The following SMC3 variants were observed in gnomAD, a reference collection of about 807,000 sequenced individuals.
SMC3 encodes the protein structural maintenance of chromosomes 3.
SMC3 carries 20 observed loss-of-function variants against 171.8 expected under a neutral mutation model. The observed-to-expected ratio is 0.12, with a 90% confidence interval of 0.08 to 0.17. SMC3 has a LOEUF of 0.17. Among genes scored for constraint, SMC3 ranks in the 10% least tolerant of loss-of-function variants. The probability of loss-of-function intolerance (pLI) is 1.00; values close to 1 mark genes in which losing one functional copy is unlikely to be tolerated. For missense variants in SMC3, 543 were observed against 1,420.4 expected, an observed-to-expected ratio of 0.38 and a Z score of 9.93; for synonymous variants, 464 against 451.1, an observed-to-expected ratio of 1.03 and a Z score of -0.36.
At chr10:110,599,890 C>A in intron 21 of SMC3, 78 bp downstream of exon 21, 1 of 1,279,768 alleles carries the variant, frequency 7.8e-7, no homozygotes, top group Non-Finnish European at 1.1e-6. Context: ...CTAACTAGGG[C>A]AATATGAAAG....
In SMC3 at chr10:110,603,001, A is replaced by T. The variant is rs775650536; in HGVS notation, c.3474A>T (p.Ser1158=). The T allele has an allele frequency of 1.9e-6, 3 of 1,614,012 alleles. No homozygotes were observed. The highest frequency in any genetic ancestry group is 2.7e-5 in the African/African-American group (2 of 74,928). Residue 1158 remains serine (S), a splice_region_variant and synonymous_variant, in exon 27 of 29, where the codon TCA becomes TCT. Transcript: ENST00000361804. The stretch of plus-strand genomic sequence containing the variant: ...ATGCTCAGCACAGAAAGGCTGTGTC[A>T]GGTACAGTTTCAGTACAGTTTTGGT... The part of the protein sequence containing the change: ...ALDAQHRKAV[S]DMIMELAVHA...
At chr10:110,590,622 T>C (rs1355842973) in intron 16 of SMC3, 50 bp downstream of exon 16, 7 of 1,483,868 alleles carry the variant, frequency 4.7e-6, no homozygotes, top group Non-Finnish European at 6.6e-6. Context: ...GGAATAAGAA[T>C]AGCTTAAACA....
chr10:110,591,100 G>C lies in SMC3; in HGVS notation c.1780G>C (p.Asp594His). ...TACTTTTCTGCCTCTTAACAAGTTAGATGTCAGGGATACAGCCTATCCTGA... is the reference window on the plus strand; with the variant it reads ...TACTTTTCTGCCTCTTAACAAGTTACATGTCAGGGATACAGCCTATCCTGA... Reference protein sequence around the residue: ...EVTFLPLNKLDVRDTAYPETN... With the variant: ...EVTFLPLNKLHVRDTAYPETN... Residue 594 changes from aspartate to histidine, a missense_variant, in exon 17 of 29, where the codon GAT (aspartate) becomes CAT (histidine). By Grantham distance (81) the Asp-to-His change is moderately conservative. Around this residue, in one of 8 missense-constraint regions of SMC3, gnomAD observed 218 missense variants for 509.6 expected, o/e 0.43. Coordinates refer to ENST00000361804, the MANE Select transcript of SMC3 (RefSeq NM_005445.4). The C allele has an allele frequency of 6.2e-7, 1 of 1,613,928 alleles. No individual in the cohort carries two copies. Among genetic ancestry groups the C allele is most frequent in the Non-Finnish European group, 8.5e-7 (1 of 1,179,908 alleles).
At chr10:110,598,041 TAAAGA>T in intron 19 of SMC3, 93 bp from the exon 20 acceptor site, 1 of 1,104,330 alleles carries the variant, frequency 9.1e-7, no homozygotes, top group East Asian at 2.4e-5. Flanking sequence ...TATTTGGGGG[TAAAGA>T]AAAGGAAGGG....
At chr10:110,594,507 G>A (rs931508418) in intron 18 of SMC3, among the ~76,000 whole-genome samples, 9 of 152,070 alleles carry the variant, frequency 5.9e-5, no homozygotes, top group African/African-American at 1.4e-4. Flanking sequence ...GGTTCTTGTC[G>A]TGTTCGTTAT....
intron 3 of SMC3, among the ~76,000 whole-genome samples, chr10:110,574,279 T>C (rs1406734443): frequency 6.6e-6 from 1 of 152,222 alleles, no homozygotes; most frequent in Non-Finnish European, 1.5e-5. Context: ...ACTTTGAAGA[T>C]AGTAAATAGA....
chr10:110,587,447 C>T (rs528094660), intron 13 of SMC3, among the ~76,000 whole-genome samples: 1 of 152,026 alleles, frequency 6.6e-6, no homozygotes, highest in Non-Finnish European at 1.5e-5. Flanking sequence ...TTTGGGAGGC[C>T]GAGGTGGACG....
At chr10:110,568,466 C>T (rs1860817084) in intron 1 of SMC3, 2 of 180,898 alleles carry the variant, frequency 1.1e-5, no homozygotes, top group South Asian at 1.1e-4. Flanking sequence ...GGCACACGGC[C>T]TTGGAGACGG....
At position 110,590,839 on chromosome 10, in the gene SMC3, CTGTT is replaced by C; in HGVS notation, c.1671-149_1671-146del. 4 of 749,538 alleles carry C rather than the reference CTGTT, an allele frequency of 5.3e-6. No homozygotes were observed. The Admixed American group carries it at 8.4e-5, about 16-fold the overall frequency. The allele number at this position is 749,538 out of a possible 1,614,324, so 46.4% of individuals were successfully genotyped here. The stretch of plus-strand genomic sequence containing the variant: ...ATTATTTGGATTATATAGGAAAAAA[CTGTT>C]TGATGCTTAAGTGTTTATAACATTT... On this transcript the variant is annotated intron_variant, in intron 16 of 28. Transcript: ENST00000361804.
At position 110,578,623 on chromosome 10, in the gene SMC3, A is replaced by G. The variant is rs781303378; in HGVS notation, c.351-5A>G. 6.2e-7 allele frequency: 1 copy of G among 1,602,716 alleles called. No individual in the cohort carries two copies. Among genetic ancestry groups the G allele is most frequent in the South Asian group, 1.1e-5 (1 of 89,596 alleles). On this transcript the variant is annotated splice_region_variant and splice_polypyrimidine_tract_variant and intron_variant, in intron 6 of 28. Transcript: ENST00000361804. Reference sequence around the variant, plus strand: ...TCGGAAAGTAATTTCATTGTTTGTCAACAGGAAAAATGATGTGATGAACCT... The same window carrying G: ...TCGGAAAGTAATTTCATTGTTTGTCGACAGGAAAAATGATGTGATGAACCT...
intron 13 of SMC3, among the ~76,000 whole-genome samples, chr10:110,588,782 A>G (rs999688233): frequency 6.6e-6 from 1 of 152,218 alleles, no homozygotes; most frequent in Non-Finnish European, 1.5e-5. Flanking sequence ...AGGAAACAGC[A>G]TCTTACGTTA....
At chr10:110,602,700 A>AT in intron 26 of SMC3, 35 bp downstream of exon 26, 2 of 1,587,116 alleles carry the variant, frequency 1.3e-6, no homozygotes, top group Non-Finnish European at 1.7e-6. Flanking sequence ...TCCTCAGAGC[A>AT]TTACCATAAT....
chr10:110,598,593 A>G (rs755979203), intron 20 of SMC3, among the ~76,000 whole-genome samples: 12 of 152,130 alleles, frequency 7.9e-5, no homozygotes, highest in Admixed American at 1.3e-4. Flanking sequence ...TTTAGTAGAC[A>G]TGGGGTTTCA....
intron 2 of SMC3, among the ~76,000 whole-genome samples, chr10:110,573,179 T>C (rs1860897027): frequency 6.6e-6 from 1 of 152,160 alleles, no homozygotes; most frequent in Non-Finnish European, 1.5e-5. Flanking sequence ...TTTGATACCC[T>C]TTTACGTATT....
In SMC3 at chr10:110,604,703, T is replaced by A. The variant is rs1861443363; in HGVS notation, c.*401T>A. 1 of 186,082 alleles carries A rather than the reference T, an allele frequency of 5.4e-6. No individual in the cohort carries two copies. Among genetic ancestry groups the A allele is most frequent in the South Asian group, 1.1e-4 (1 of 9,518 alleles). 11.5% of individuals were successfully genotyped at this position (186,082 alleles called of 1,614,324 possible). A position where few individuals can be genotyped will look rare whatever the true frequency, so the allele number is the denominator to read the frequency against. On this transcript the variant is annotated 3_prime_UTR_variant, in exon 29 of 29. Coordinates refer to ENST00000361804, the MANE Select transcript of SMC3 (RefSeq NM_005445.4). ...GTGAGAACACTAATCAGATTGGATG[T>A]AAGGCCTCATTTTAACTTAATCACC... is the stretch of plus-strand genomic sequence containing the variant.
chr10:110,574,462 C>CT (rs1287216722), intron 3 of SMC3, among the ~76,000 whole-genome samples: 1 of 152,144 alleles, frequency 6.6e-6, no homozygotes, highest in Non-Finnish European at 1.5e-5. Flanking sequence ...AGTGGACTGG[C>CT]TTAGTAAGAA....
Position 110,573,696 on chromosome 10 carries a change from A to G in SMC3, c.92-11A>G. ...TATGTAAAATAACTTGTACTTTTTG[A>G]AATTTTCCAGTGGGCAGAAATGGAT... On this transcript the variant is annotated splice_polypyrimidine_tract_variant and intron_variant, in intron 2 of 28. Transcript: ENST00000361804. 1 of 1,584,588 alleles carries G rather than the reference A, an allele frequency of 6.3e-7. No individual in the cohort carries two copies. The highest frequency in any genetic ancestry group is 1.7e-4 in the Middle Eastern group (1 of 5,912).
intron 2 of SMC3, among the ~76,000 whole-genome samples, chr10:110,569,704 T>G (rs956562186): frequency 2.0e-5 from 3 of 152,102 alleles, no homozygotes; most frequent in African/African-American, 7.2e-5. Flanking sequence ...ATTTGTAAAG[T>G]GGAGATGATA....
chr10:110,569,055 C>T (rs762927196), intron 2 of SMC3, 42 bp downstream of exon 2: 2 of 1,211,658 alleles, frequency 1.7e-6, no homozygotes, highest in Non-Finnish European at 1.2e-6. Flanking sequence ...ATAGTCTATA[C>T]AGATAATGTA....
Sources: gnomAD v4.1 joint callset for allele counts (sites outside exome capture counted in the v4.1 genomes callset) on GRCh38, gnomAD v4.1.1 for gene constraint, gnomAD v4.1.1 regional missense constraint, MANE v1.5 for transcripts, NCBI Gene and HGNC (gene_info 2026-07-23, HGNC 2026-07-21) for gene names.